IL1RAPL1: variants seen among roughly 807,000 people sequenced by gnomAD.
IL1RAPL1 encodes the protein interleukin 1 receptor accessory protein like 1, also known as interleukin-1 receptor accessory protein-like 1.
A neutral mutation model predicts 48.4 loss-of-function variants in IL1RAPL1; 3 were observed. The observed-to-expected ratio is 0.06, with a 90% CI of 0.03 to 0.16. The LOEUF is 0.16. Ranked by LOEUF, IL1RAPL1 falls within the 10% of genes least tolerant of loss-of-function variation. The pLI is 1.00. For synonymous variants in IL1RAPL1, 185 were observed against 187.7 expected (o/e 0.99, Z 0.12); for missense variants, 349 against 530.6 (o/e 0.66, Z 3.36).
intron 2 of IL1RAPL1, among the ~76,000 whole-genome samples, chrX:29,064,876 C>T (rs941516300): frequency 2.7e-5 from 3 of 112,055 alleles, no homozygotes; most frequent in Non-Finnish European, 5.6e-5. Flanking sequence ...CCATTGCGCC[C>T]GGCCGAGAAC....
At chrX:28,963,077 A>G (rs1924828781) in intron 2 of IL1RAPL1, among the ~76,000 whole-genome samples, 1 of 111,728 alleles carries the variant, frequency 9.0e-6, no homozygotes, top group African/African-American at 3.3e-5. Context: ...GATTCTCTAA[A>G]TTGGAAGATA....
chrX:28,659,524 G>T, intron 1 of IL1RAPL1: 1 of 461,123 alleles, frequency 2.2e-6, no homozygotes, highest in Non-Finnish European at 3.9e-6. Flanking sequence ...AGCTCGGCGA[G>T]CTAGAGGCGG....
chrX:28,666,958 T>C, intron 1 of IL1RAPL1, among the ~76,000 whole-genome samples: 1 of 112,201 alleles, frequency 8.9e-6, no homozygotes, highest in Non-Finnish European at 1.9e-5. Flanking sequence ...ATTTGCTATA[T>C]ATTAACAATT....
intron 2 of IL1RAPL1, among the ~76,000 whole-genome samples, chrX:28,986,690 A>G (rs1167602493): frequency 8.9e-6 from 1 of 112,296 alleles, no homozygotes; most frequent in African/African-American, 3.2e-5. Context: ...AGTATTTTAT[A>G]TTGTTTTCTT....
intron 5 of IL1RAPL1, among the ~76,000 whole-genome samples, chrX:29,512,715 C>T (rs774059780): frequency 8.9e-6 from 1 of 112,079 alleles, no homozygotes; most frequent in East Asian, 2.8e-4. Context: ...GAGTCTCTTC[C>T]TGTGATCAGG....
chrX:29,834,162 A>C (rs917505238), intron 6 of IL1RAPL1, among the ~76,000 whole-genome samples: 12 of 112,724 alleles, frequency 1.1e-4, no homozygotes, highest in Non-Finnish European at 2.1e-4. Context: ...TACTGAAAGC[A>C]AAACGTTATC....
At chrX:29,889,751 A>G (rs1464740039) in intron 6 of IL1RAPL1, among the ~76,000 whole-genome samples, 1 of 111,634 alleles carries the variant, frequency 9.0e-6, no homozygotes, top group African/African-American at 3.2e-5. Flanking sequence ...TAGCCAAGAA[A>G]CATACAGAAA....
At chrX:29,332,201 CT>C (rs1932892915) in intron 3 of IL1RAPL1, among the ~76,000 whole-genome samples, 2 of 69,725 alleles carry the variant, frequency 2.9e-5, no homozygotes, top group Non-Finnish European at 5.0e-5. Context: ...AGAGAAGACT[CT>C]TCTCTCTTCC....
intron 2 of IL1RAPL1, among the ~76,000 whole-genome samples, chrX:29,134,590 G>A (rs1213086093): frequency 1.8e-5 from 2 of 111,168 alleles, no homozygotes; most frequent in African/African-American, 6.5e-5. Context: ...GGCTATTCTT[G>A]TCTTACCAGT....
chrX:29,836,188 CTTTTTTTTTTT>C (rs201175211), intron 6 of IL1RAPL1, among the ~76,000 whole-genome samples: 1 of 89,196 alleles, frequency 1.1e-5, no homozygotes, highest in African/African-American at 4.7e-5. Context: ...TTTCATTTTT[CTTTTTTTTTTT>C]TTTTTTTTCT....
chrX:29,199,351 C>A (rs1455898328), intron 2 of IL1RAPL1, among the ~76,000 whole-genome samples: 1 of 110,363 alleles, frequency 9.1e-6, no homozygotes, highest in African/African-American at 3.3e-5. Flanking sequence ...GCAAAATAGT[C>A]TCTGTTTATG....
intron 2 of IL1RAPL1, among the ~76,000 whole-genome samples, chrX:29,011,736 T>C (rs1435071092): frequency 1.8e-5 from 2 of 112,604 alleles, no homozygotes; most frequent in Non-Finnish European, 3.8e-5. Context: ...AAGCTAAAAC[T>C]TATAAAATTC....
chrX:29,858,773 G>GTT (rs201512382), intron 6 of IL1RAPL1, among the ~76,000 whole-genome samples: 78 of 108,051 alleles, frequency 7.2e-4, no homozygotes, highest in African/African-American at 2.5e-3. Flanking sequence ...AGAGTGTTTT[G>GTT]TTTTTTTTTA....
At chrX:28,891,337 A>G (rs1336181061) in intron 2 of IL1RAPL1, among the ~76,000 whole-genome samples, 5 of 112,196 alleles carry the variant, frequency 4.5e-5, no homozygotes, top group Non-Finnish European at 9.4e-5. Flanking sequence ...TTCACAAACC[A>G]TGCTACTGAC....
At position 28,669,978 on chromosome X, in the gene IL1RAPL1, C is replaced by G. The variant is rs1470677324; in HGVS notation, c.-25+81931C>G. On this transcript the variant is annotated intron_variant, in intron 1 of 10. Transcript: ENST00000378993. ...GTAGAGAATCTCTGCTTTGTTTCCA[C>G]TGACTTTAAGTATATCACCATGATA... 2.7e-5 allele frequency among the ~76,000 whole-genome samples: 3 copies of G among 109,808 alleles called. No individual in the cohort carries two copies. In the East Asian group the frequency reaches 8.5e-4, roughly 31 times the overall value.
chrX:29,601,424 T>C (rs1263352724), intron 5 of IL1RAPL1, among the ~76,000 whole-genome samples: 1 of 112,044 alleles, frequency 8.9e-6, no homozygotes, highest in Non-Finnish European at 1.9e-5. Context: ...GAAATTTGTA[T>C]ACTTTGGCTT....
Position 29,283,339 on chromosome X carries a change from T to C in IL1RAPL1, c.362+122T>C, listed in dbSNP as rs1200412686. On this transcript the variant is annotated intron_variant, in intron 3 of 10. Coordinates refer to ENST00000378993, the MANE Select transcript of IL1RAPL1 (RefSeq NM_014271.4). ...TCTCAATATTTGCATGTGTTGCTGCTTTCTAAAATTTAGAATCAAAATCAT... is the reference window on the plus strand; with the variant it reads ...TCTCAATATTTGCATGTGTTGCTGCCTTCTAAAATTTAGAATCAAAATCAT... 6.2e-6 allele frequency: 4 copies of C among 644,346 alleles called. No homozygotes were observed. The East Asian group carries it at 1.4e-4, about 22-fold the overall frequency. The allele number at this position is 644,346 out of a possible 1,213,427, so 53.1% of individuals were successfully genotyped here.
At chrX:28,773,698 G>A (rs1025651145) in intron 1 of IL1RAPL1, among the ~76,000 whole-genome samples, 1 of 111,372 alleles carries the variant, frequency 9.0e-6, no homozygotes, top group African/African-American at 3.3e-5. Flanking sequence ...TCCTTCAACT[G>A]TCTCCTCCCC....
intron 1 of IL1RAPL1, among the ~76,000 whole-genome samples, chrX:28,760,522 TTATTAGCC>T (rs747959675): frequency 2.9e-4 from 33 of 111,915 alleles, no homozygotes; most frequent in African/African-American, 1.0e-3. Flanking sequence ...CACTAACACT[TTATTAGCC>T]CATATGGATG....
Sources: gnomAD v4.1 joint callset for allele counts (sites outside exome capture counted in the v4.1 genomes callset) on GRCh38, gnomAD v4.1.1 for gene constraint, MANE v1.5 for transcripts, NCBI Gene and HGNC (gene_info 2026-07-23, HGNC 2026-07-21) for gene names.